PTPRM: variants seen among roughly 807,000 people sequenced by gnomAD.
PTPRM encodes receptor-type tyrosine-protein phosphatase mu.
PTPRM carries 47 observed loss-of-function variants against 186.7 expected under a neutral mutation model. That is an observed-to-expected ratio of 0.25 (90% CI 0.20 to 0.32). PTPRM has a LOEUF of 0.32. PTPRM is among the 10% of genes least tolerant of loss of function. PTPRM has a pLI of 1.00. For synonymous variants in PTPRM, 668 were observed against 674.9 expected (o/e 0.99, Z 0.16); for missense variants, 1,494 against 1,865.0 (o/e 0.80, Z 3.66).
intron 1 of PTPRM, among the ~76,000 whole-genome samples, chr18:7,710,447 TG>T (rs1243966621): frequency 6.6e-6 from 1 of 152,120 alleles, no homozygotes; most frequent in Non-Finnish European, 1.5e-5. Context: ...TCATATTGAA[TG>T]GGGGAAAAGT....
At chr18:7,849,496 C>T (rs922390551) in intron 2 of PTPRM, among the ~76,000 whole-genome samples, 2 of 152,278 alleles carry the variant, frequency 1.3e-5, no homozygotes, top group African/African-American at 4.8e-5. Context: ...ACTCTAGCTC[C>T]AATTCTTAAG....
At chr18:7,789,242 T>C (rs76336410) in intron 2 of PTPRM, among the ~76,000 whole-genome samples, 3 of 152,094 alleles carry the variant, frequency 2.0e-5, no homozygotes, top group Non-Finnish European at 4.4e-5. Context: ...GGAGGATTGC[T>C]TGAGCCAAGG....
chr18:8,299,953 T>TA (rs1247070203), intron 20 of PTPRM, among the ~76,000 whole-genome samples: 1 of 151,878 alleles, frequency 6.6e-6, no homozygotes, highest in South Asian at 2.1e-4. Context: ...ACCACCAGGA[T>TA]AGTTTTCAAC....
chr18:8,024,698 T>C (rs893437709), intron 7 of PTPRM, among the ~76,000 whole-genome samples: 19 of 151,010 alleles, frequency 1.3e-4, no homozygotes, highest in Non-Finnish European at 2.2e-4. Flanking sequence ...TTTTTTTTTT[T>C]ACTGAGTCAG....
At chr18:7,974,347 C>T (rs2064191578) in intron 7 of PTPRM, among the ~76,000 whole-genome samples, 1 of 152,190 alleles carries the variant, frequency 6.6e-6, no homozygotes, top group Non-Finnish European at 1.5e-5. Flanking sequence ...TTCTAAAGTT[C>T]TCCATTGGTG....
chr18:7,604,090 T>C (rs2037471912), intron 1 of PTPRM, among the ~76,000 whole-genome samples: 1 of 152,240 alleles, frequency 6.6e-6, no homozygotes, highest in African/African-American at 2.4e-5. Context: ...TCAGTGTAGT[T>C]ACTGGGAATT....
Position 8,240,645 on chromosome 18 carries a change from GAGAGAGAGAAAGAAAGAA to G in PTPRM, c.2301-3409_2301-3392del, listed in dbSNP as rs1399200944. Reference sequence around the variant, plus strand: ...AGAGAGAGAGAGAGAGAGAGAGAGAGAGAGAGAGAAAGAAAGAAAGAAAGAAAGAAAGAAAAAGAAAGA... The same window carrying G: ...AGAGAGAGAGAGAGAGAGAGAGAGAGAGAAAGAAAGAAAGAAAAAGAAAGA... On this transcript the variant is annotated intron_variant, in intron 14 of 32. Coordinates refer to ENST00000580170, the MANE Select transcript of PTPRM (RefSeq NM_001105244.2). 4.2e-3 allele frequency among the ~76,000 whole-genome samples: 150 copies of G among 36,144 alleles called. 10 individuals carry two copies. Among genetic ancestry groups the G allele is most frequent in the African/African-American group, 0.015 (106 of 7,186 alleles). 23.7% of individuals were successfully genotyped at this position (36,144 alleles called of 152,430 possible). A position where few individuals can be genotyped will look rare whatever the true frequency, so the allele number is the denominator to read the frequency against.
At chr18:7,588,227 A>G (rs747261976) in intron 1 of PTPRM, among the ~76,000 whole-genome samples, 1 of 152,190 alleles carries the variant, frequency 6.6e-6, no homozygotes, top group Admixed American at 6.5e-5. Context: ...ATAATTAAAC[A>G]GTAATTATAT....
At chr18:7,882,876 C>A (rs1055728677) in intron 2 of PTPRM, among the ~76,000 whole-genome samples, 6 of 152,188 alleles carry the variant, frequency 3.9e-5, no homozygotes, top group African/African-American at 1.4e-4. Context: ...TTACTGCTGT[C>A]ACAAACAATG....
chr18:7,993,341 TAAAAG>T (rs2083362829), intron 7 of PTPRM, among the ~76,000 whole-genome samples: 1 of 152,020 alleles, frequency 6.6e-6, no homozygotes, highest in East Asian at 1.9e-4. Flanking sequence ...TCTTAAATCT[TAAAAG>T]AGATATAGAC....
intron 19 of PTPRM, among the ~76,000 whole-genome samples, chr18:8,258,230 A>G (rs1398433128): frequency 1.3e-5 from 2 of 152,162 alleles, no homozygotes; most frequent in Non-Finnish European, 2.9e-5. Flanking sequence ...TGACAAGCAA[A>G]GGGCAGTCTG....
rs192458178 is a variant in PTPRM at position 7,698,983 on chromosome 18, C to T, written c.74-75166C>T. On this transcript the variant is annotated intron_variant, in intron 1 of 32. Transcript: ENST00000580170. ...CCTGGGCTGGGGACCAGTACCAGTCCTTGGCCTGTAAGGAACCAGGCTGCA... is the reference window on the plus strand; with the variant it reads ...CCTGGGCTGGGGACCAGTACCAGTCTTTGGCCTGTAAGGAACCAGGCTGCA... 9.9e-5 allele frequency among the ~76,000 whole-genome samples: 15 copies of T among 152,276 alleles called. No homozygotes were observed. The East Asian group carries it at 2.5e-3, about 25-fold the overall frequency.
chr18:8,053,288 G>A (rs1021210176), intron 7 of PTPRM, among the ~76,000 whole-genome samples: 2 of 152,082 alleles, frequency 1.3e-5, no homozygotes, highest in Admixed American at 1.3e-4. Flanking sequence ...TTCATTGATA[G>A]TTGGTGCTTA....
rs188946053 is a variant in PTPRM, at chr18:8,297,066, C to G, written c.2842+611C>G. 1.3e-3 allele frequency among the ~76,000 whole-genome samples: 203 copies of G among 152,240 alleles called. 1 individual carries two copies. The highest frequency in any genetic ancestry group is 4.8e-3 in the African/African-American group (200 of 41,530). ...GTCGAGCCCAGCCTCATTAATGTTG[C>G]GTAGCAATGCTGAGACACGCGCTAG... On this transcript the variant is annotated intron_variant, in intron 20 of 32. Transcript: ENST00000580170.
chr18:7,840,021 A>G (rs1467913365), intron 2 of PTPRM, among the ~76,000 whole-genome samples: 1 of 143,018 alleles, frequency 7.0e-6, no homozygotes, highest in East Asian at 2.2e-4. Flanking sequence ...CCCAGCACAC[A>G]GAAATACTCT....
chr18:7,991,157 A>G (rs1054568822), intron 7 of PTPRM, among the ~76,000 whole-genome samples: 1 of 152,170 alleles, frequency 6.6e-6, no homozygotes, highest in African/African-American at 2.4e-5. Flanking sequence ...GCATTAGGGA[A>G]ACTTCAAAAA....
chr18:8,128,828 A>G (rs956981433), intron 13 of PTPRM, among the ~76,000 whole-genome samples: 1 of 152,174 alleles, frequency 6.6e-6, no homozygotes, highest in Non-Finnish European at 1.5e-5. Flanking sequence ...ATTTCTATGT[A>G]AAAGATTTTC....
At chr18:8,228,624 G>A (rs374141179) in intron 14 of PTPRM, among the ~76,000 whole-genome samples, 51 of 150,760 alleles carry the variant, frequency 3.4e-4, no homozygotes, top group African/African-American at 1.2e-3. Context: ...GGTGGATCAC[G>A]AGGTCAGGAG....
intron 14 of PTPRM, among the ~76,000 whole-genome samples, chr18:8,193,085 T>C (rs2093730008): frequency 6.6e-6 from 1 of 152,174 alleles, no homozygotes; most frequent in South Asian, 2.1e-4. Flanking sequence ...ATTATTGTGG[T>C]TATATAGGAG....
Sources: allele counts gnomAD v4.1 joint callset (sites outside exome capture counted in the v4.1 genomes callset), GRCh38; gene constraint gnomAD v4.1.1; transcripts MANE v1.5; gene names NCBI Gene and HGNC (gene_info 2026-07-23, HGNC 2026-07-21).